The following EGLN2 variants were observed in gnomAD, a reference collection of about 807,000 sequenced individuals.
EGLN2 encodes egl-9 family hypoxia inducible factor 2, also known as prolyl hydroxylase EGLN2.
A neutral mutation model predicts 38.2 loss-of-function variants in EGLN2; 15 were observed. That is an observed-to-expected ratio of 0.39 (90% CI 0.26 to 0.60). The LOEUF (loss-of-function observed/expected upper bound fraction) is 0.60. EGLN2 is among the 20% of genes least tolerant of loss of function. The pLI is 0.50. For synonymous variants in EGLN2, 284 were observed against 237.4 expected (o/e 1.20, Z -1.81); for missense variants, 492 against 570.4 (o/e 0.86, Z 1.40).
chr19:40,807,210 C>A lies in EGLN2; in HGVS notation c.1036C>A (p.Arg346=). Residue 346 remains arginine, a synonymous_variant, in exon 4 of 6, where the codon CGG becomes AGG. Coordinates refer to ENST00000303961, the MANE Select transcript of EGLN2 (RefSeq NM_080732.4). ...VVANIEPLFD[R]LLIFWSDRRN... ...AGCCAACATCGAGCCACTCTTTGAC[C>A]GGTTGCTCATTTTCTGGTCTGACCG... 1 of 1,614,198 alleles carries A rather than the reference C, an allele frequency of 6.2e-7. No individual in the cohort carries two copies. The highest frequency in any genetic ancestry group is 8.5e-7 in the Non-Finnish European group (1 of 1,180,016).
chr19:40,801,737 G>A (rs2083261948), intron 2 of EGLN2, among the ~76,000 whole-genome samples: 1 of 146,652 alleles, frequency 6.8e-6, no homozygotes, highest in South Asian at 2.2e-4. Flanking sequence ...CAGGGTCACA[G>A]GACAATAGTG....
intron 1 of EGLN2, 93 bp from the exon 2 acceptor site, chr19:40,800,246 G>T: frequency 3.3e-6 from 1 of 298,752 alleles, no homozygotes. Context: ...TGTCCTGGTC[G>T]TCTTCCCCAC....
chr19:40,800,723 C>T lies in EGLN2; in HGVS notation c.151C>T (p.Pro51Ser), dbSNP rs1276428936. ...TCCCCTGCTCCCCTCCTACCACTGT[C>T]CAGGAGTGCCTAGTGAGGCCTCGGC... ...PCPLLPSYHC[P>S]GVPSEASAGS... The change falls in exon 2 of 6, where the codon CCA (proline) becomes TCA (serine). Residue 51 changes from proline to serine, a missense_variant. This residue lies in a region of EGLN2 where 378 missense variants were observed against 386.2 expected (regional missense o/e 0.98). Transcript: ENST00000303961. 2.5e-6 allele frequency: 4 copies of T among 1,614,044 alleles called. No individual in the cohort carries two copies. The highest frequency in any genetic ancestry group is 1.3e-5 in the African/African-American group (1 of 75,058).
At position 40,801,424 on chromosome 19, in the gene EGLN2, A is replaced by G. The variant is rs777036299; in HGVS notation, c.843+9A>G. ...TCAACGGGCGCACCAAGGTAAGGCT[A>G]GGTGGGGGCCTCTTTGGAGGGGCTT... On this transcript the variant is annotated intron_variant, in intron 2 of 5. Transcript: ENST00000303961. The G allele has an allele frequency of 3.8e-6, 6 of 1,597,896 alleles. No individual in the cohort carries two copies. The highest frequency in any genetic ancestry group is 3.3e-5 in the South Asian group (3 of 90,746).
intron 3 of EGLN2, 167 bp downstream of exon 3, chr19:40,806,841 A>G: frequency 1.9e-6 from 2 of 1,039,602 alleles, no homozygotes; most frequent in East Asian, 2.6e-5. Flanking sequence ...GGGAAATGGC[A>G]CCTCCTCCTC....
intron 2 of EGLN2, among the ~76,000 whole-genome samples, chr19:40,802,512 T>C (rs1293894883): frequency 7.9e-5 from 12 of 152,224 alleles, no homozygotes; most frequent in Non-Finnish European, 1.8e-4. Context: ...TTCTTAATGG[T>C]ATTTTGGAGC....
chr19:40,799,829 C>G (rs1486477827), intron 1 of EGLN2: 2 of 152,660 alleles, frequency 1.3e-5, no homozygotes, highest in East Asian at 3.9e-4. Context: ...AGCTTCCCTC[C>G]GGTCTATTTT....
Position 40,800,667 on chromosome 19 carries a change from C to T in EGLN2, c.95C>T (p.Ala32Val), listed in dbSNP as rs11547372. ...CCCTTGGAGCCTGAGCCTGGCCGGG[C>T]CAGGATGGGAGTGGAGAGTTACCTG... is the stretch of plus-strand genomic sequence containing the variant. ...SEPLEPEPGR[A>V]RMGVESYLPC... Residue 32 changes from alanine (A) to valine (V), a missense_variant, in exon 2 of 6, where the codon GCC (alanine) becomes GTC (valine). Ala to Val is a moderately conservative substitution (Grantham distance 64, BLOSUM62 0). Transcript: ENST00000303961. 3 of 1,614,040 alleles carry T rather than the reference C, an allele frequency of 1.9e-6. No homozygotes were observed. Among genetic ancestry groups the T allele is most frequent in the Non-Finnish European group, 2.5e-6 (3 of 1,180,014 alleles).
At chr19:40,802,526 G>A (rs2083269717) in intron 2 of EGLN2, among the ~76,000 whole-genome samples, 1 of 152,200 alleles carries the variant, frequency 6.6e-6, no homozygotes, top group Non-Finnish European at 1.5e-5. Context: ...TTGGAGCCTG[G>A]GTCTTTTTGA....
chr19:40,799,416 G>A (rs1166066002), intron 1 of EGLN2, 154 bp downstream of exon 1: 20 of 140,316 alleles, frequency 1.4e-4, no homozygotes, highest in Admixed American at 9.0e-4. Flanking sequence ...GAGGGGACGC[G>A]CGCCGGTTAC....
At chr19:40,805,528 C>T (rs890330786) in intron 2 of EGLN2, 3 of 152,222 alleles carry the variant, frequency 2.0e-5, no homozygotes, top group Non-Finnish European at 4.4e-5. Flanking sequence ...CAGGAAGTCA[C>T]CTGCCTGATG....
Position 40,800,743 on chromosome 19 carries a change from C to T in EGLN2, c.171C>T (p.Ala57=). The T allele has an allele frequency of 6.2e-7, 1 of 1,613,860 alleles. No homozygotes were observed. Among genetic ancestry groups the T allele is most frequent in the Non-Finnish European group, 8.5e-7 (1 of 1,179,904 alleles). ...SYHCPGVPSE[A]SAGSGTPRAT... is the part of the protein sequence containing the mutation. ...ACTGTCCAGGAGTGCCTAGTGAGGCCTCGGCAGGGAGTGGGACCCCCAGAG... is the reference window on the plus strand; with the variant it reads ...ACTGTCCAGGAGTGCCTAGTGAGGCTTCGGCAGGGAGTGGGACCCCCAGAG... The change falls in exon 2 of 6, where the codon GCC becomes GCT. Residue 57 remains alanine (A), a synonymous_variant. Transcript: ENST00000303961.
At chr19:40,807,080 G>A (rs1266839698) in intron 3 of EGLN2, 58 bp from the exon 4 acceptor site, 1 of 1,601,942 alleles carries the variant, frequency 6.2e-7, no homozygotes, top group Non-Finnish European at 8.5e-7. Flanking sequence ...CCGGGGCACC[G>A]TGGGAGGCAG....
chr19:40,806,956 A>T (rs2083307649), intron 3 of EGLN2, 182 bp from the exon 4 acceptor site: 10 of 1,042,700 alleles, frequency 9.6e-6, no homozygotes, highest in Non-Finnish European at 1.4e-5. Context: ...TCCTGTCTTT[A>T]GTAGCTTCCT....
chr19:40,801,371 T>G lies in EGLN2; in HGVS notation c.799T>G (p.Cys267Gly). 6.2e-7 allele frequency: 1 copy of G among 1,610,170 alleles called. No individual in the cohort carries two copies. The highest frequency in any genetic ancestry group is 8.5e-7 in the Non-Finnish European group (1 of 1,179,784). Reference sequence around the variant, plus strand: ...CCATGTGGACGCCGTCATCCGCCACTGCGCAGGGCGGCTGGGCAGCTATGT... The same window carrying G: ...CCATGTGGACGCCGTCATCCGCCACGGCGCAGGGCGGCTGGGCAGCTATGT... ...MAHVDAVIRH[C>G]AGRLGSYVIN... Residue 267 changes from cysteine (C) to glycine (G), a missense_variant, in exon 2 of 6, where the codon TGC (cysteine) becomes GGC (glycine). Physicochemically the swap from Cys to Gly is radical, Grantham distance 159. This residue lies in a region of EGLN2 where 378 missense variants were observed against 386.2 expected (regional missense o/e 0.98). Transcript: ENST00000303961.
Position 40,808,321 on chromosome 19 carries a change from A to T in EGLN2, c.*457A>T, listed in dbSNP as rs2083321044. On this transcript the variant is annotated 3_prime_UTR_variant, in exon 6 of 6. Coordinates refer to ENST00000303961, the MANE Select transcript of EGLN2 (RefSeq NM_080732.4). The stretch of plus-strand genomic sequence containing the variant: ...ACTCCCCAACCCCTTTGGCCATGGC[A>T]GGCACCTTTTGGACTGGGCTGCCAC... 7 of 409,810 alleles carry T rather than the reference A, an allele frequency of 1.7e-5. No individual in the cohort carries two copies. Among genetic ancestry groups the T allele is most frequent in the Admixed American group, 4.2e-5 (1 of 23,772 alleles). 25.4% of individuals were successfully genotyped at this position (409,810 alleles called of 1,614,324 possible). A position where few individuals can be genotyped will look rare whatever the true frequency, so the allele number is the denominator to read the frequency against.
At chr19:40,803,659 A>G (rs2083280031) in intron 2 of EGLN2, among the ~76,000 whole-genome samples, 1 of 150,716 alleles carries the variant, frequency 6.6e-6, no homozygotes, top group Non-Finnish European at 1.5e-5. Context: ...CCTTCCCCCA[A>G]CTCCCTGGTT....
chr19:40,800,327 T>C lies in EGLN2; in HGVS notation c.-234-12T>C, dbSNP rs201011791. On this transcript the variant is annotated splice_polypyrimidine_tract_variant and intron_variant, in intron 1 of 5. Transcript: ENST00000303961. ...TTTCTCTCACATCCCTTTTTTTTTT[T>C]CCTTTCTCTAGCCACCCTGAAGGGT... 7 of 476,468 alleles carry C rather than the reference T, an allele frequency of 1.5e-5. No homozygotes were observed. The highest frequency in any genetic ancestry group is 1.1e-3 in the Middle Eastern group (2 of 1,792). 29.5% of individuals were successfully genotyped at this position (476,468 alleles called of 1,614,324 possible).
rs1349964825 is a variant in EGLN2 at position 40,808,128 on chromosome 19, C to G, written c.*264C>G. On this transcript the variant is annotated 3_prime_UTR_variant, in exon 6 of 6. Transcript: ENST00000303961. ...ACTGAAGCTGGGGGCCTGGGTCCTA[C>G]CCTGTCTGGTCATGACCCCATTAGG... 1 of 573,590 alleles carries G rather than the reference C, an allele frequency of 1.7e-6. No individual in the cohort carries two copies. The highest frequency in any genetic ancestry group is 2.9e-5 in the East Asian group (1 of 35,044). The allele number at this position is 573,590 out of a possible 1,614,324, so 35.5% of individuals were successfully genotyped here. A position where few individuals can be genotyped will look rare whatever the true frequency, so the allele number is the denominator to read the frequency against.
Sources: gnomAD v4.1 joint callset for allele counts (sites outside exome capture counted in the v4.1 genomes callset) on GRCh38, gnomAD v4.1.1 for gene constraint, gnomAD v4.1.1 regional missense constraint, MANE v1.5 for transcripts, NCBI Gene and HGNC (gene_info 2026-07-23, HGNC 2026-07-21) for gene names.